RABGAP1L: variants seen among roughly 807,000 people sequenced by gnomAD.
RABGAP1L encodes RAB GTPase activating protein 1 like, also known as rab GTPase-activating protein 1-like.
A neutral mutation model predicts 137.7 loss-of-function variants in RABGAP1L; 63 were observed. The observed-to-expected ratio is 0.46, with a 90% CI of 0.37 to 0.56. The LOEUF (loss-of-function observed/expected upper bound fraction) is 0.56. RABGAP1L is among the 20% of genes least tolerant of loss of function. The pLI is 0.00. For synonymous variants in RABGAP1L, 431 were observed against 433.7 expected (o/e 0.99, Z 0.08); for missense variants, 1,095 against 1,244.0 (o/e 0.88, Z 1.80).
At chr1:174,981,670 A>G (rs542152220) in intron 23 of RABGAP1L, among the ~76,000 whole-genome samples, 1 of 143,748 alleles carries the variant, frequency 7.0e-6, no homozygotes, top group African/African-American at 2.6e-5. Flanking sequence ...GGCTCAAGCG[A>G]TCCTCCCACC....
intron 19 of RABGAP1L, among the ~76,000 whole-genome samples, chr1:174,865,715 G>C (rs1651092929): frequency 6.6e-6 from 1 of 152,142 alleles, no homozygotes; most frequent in African/African-American, 2.4e-5. Context: ...TGAGAAGATT[G>C]CTTAGCCCAG....
chr1:174,342,376 T>A (rs1219760547), intron 11 of RABGAP1L, among the ~76,000 whole-genome samples: 10 of 152,196 alleles, frequency 6.6e-5, no homozygotes, highest in Non-Finnish European at 1.0e-4. Context: ...GTATTGTTGA[T>A]GGTTGTCAGT....
At chr1:174,375,277 A>G (rs1454025436) in intron 12 of RABGAP1L, among the ~76,000 whole-genome samples, 1 of 151,986 alleles carries the variant, frequency 6.6e-6, no homozygotes, top group Non-Finnish European at 1.5e-5. Context: ...TTATACTAGA[A>G]AACAAGTCTG....
At chr1:174,892,851 T>A (rs1490531203) in intron 19 of RABGAP1L, 1 of 231,220 alleles carries the variant, frequency 4.3e-6, no homozygotes, top group Non-Finnish European at 8.5e-6. Flanking sequence ...TGCCTCAACC[T>A]CTCGAGTAGC....
rs188400782 is a variant in RABGAP1L at position 174,615,563 on chromosome 1, C to T, written c.1711-21812C>T. On this transcript the variant is annotated intron_variant, in intron 13 of 25. Transcript: ENST00000681986. The stretch of plus-strand genomic sequence containing the variant: ...ATTGAGGAGGCATTCTGTCCATTCT[C>T]AGATCTCCAGCTGTGTGCTGAGAGA... Among the ~76,000 whole-genome samples the T allele has an allele frequency of 5.3e-5, 8 of 152,342 alleles. No homozygotes were observed. The East Asian group carries it at 1.5e-3, about 29-fold the overall frequency.
intron 13 of RABGAP1L, among the ~76,000 whole-genome samples, chr1:174,454,872 A>G (rs1259947983): frequency 6.6e-6 from 1 of 152,158 alleles, no homozygotes; most frequent in Non-Finnish European, 1.5e-5. Flanking sequence ...TTTTAAATGC[A>G]TCATTCATGG....
chr1:174,184,039 G>GT (rs562802626), intron 1 of RABGAP1L, among the ~76,000 whole-genome samples: 44,130 of 149,970 alleles, frequency 0.29, 6,827 homozygotes, highest in African/African-American at 0.37. Flanking sequence ...CTAATTTTTT[G>GT]TTTTTTTTTA....
At chr1:174,866,110 G>GGAGA (rs34712612) in intron 19 of RABGAP1L, among the ~76,000 whole-genome samples, 1,833 of 65,786 alleles carry the variant, frequency 0.028, 133 homozygotes, top group East Asian at 0.093. Context: ...GGAGGGAGGG[G>GGAGA]GAGAGAGAGA....
At chr1:174,386,710 T>C (rs1379043451) in intron 12 of RABGAP1L, among the ~76,000 whole-genome samples, 1 of 152,050 alleles carries the variant, frequency 6.6e-6, no homozygotes, top group African/African-American at 2.4e-5. Context: ...AGTTTCACCA[T>C]GTTGGCCGGG....
Position 174,448,312 on chromosome 1 carries a change from T to C in RABGAP1L, c.1710+54167T>C. Reference sequence around the variant, plus strand: ...TAACAGTTATCTTTGTCTTTCATTGTGCTCCACTGTTACATCATTATACTA... The same window carrying C: ...TAACAGTTATCTTTGTCTTTCATTGCGCTCCACTGTTACATCATTATACTA... On this transcript the variant is annotated intron_variant, in intron 13 of 25. Transcript: ENST00000681986. The surrounding 1 kb of genome is among the most constrained non-coding windows in gnomAD (Gnocchi z 4.2). 4.3e-6 allele frequency: 7 copies of C among 1,613,140 alleles called. No individual in the cohort carries two copies. Among genetic ancestry groups the C allele is most frequent in the Non-Finnish European group, 5.9e-6 (7 of 1,179,046 alleles).
At chr1:174,453,992 C>T (rs902126743) in intron 13 of RABGAP1L, among the ~76,000 whole-genome samples, 14 of 152,044 alleles carry the variant, frequency 9.2e-5, no homozygotes, top group Admixed American at 2.6e-4. Flanking sequence ...AGGCTGGGCG[C>T]GGTGGCTCAC....
Position 174,741,249 on chromosome 1 carries a change from A to G in RABGAP1L, c.2170-11064A>G, listed in dbSNP as rs912403177. Among the ~76,000 whole-genome samples the G allele has an allele frequency of 3.9e-5, 6 of 152,100 alleles. No individual in the cohort carries two copies. The South Asian group carries it at 6.2e-4, about 16-fold the overall frequency. On this transcript the variant is annotated intron_variant, in intron 17 of 25. Transcript: ENST00000681986. ...TAAGTCTTTAATCTACTTTGAGTTC[A>G]TTTTTGTATATGGTGAGATAATGGT...
intron 18 of RABGAP1L, among the ~76,000 whole-genome samples, chr1:174,775,702 A>G (rs1558066422): frequency 6.6e-6 from 1 of 152,102 alleles, no homozygotes; most frequent in Admixed American, 6.6e-5. Context: ...ATTCTCACAC[A>G]TAGACACTCC....
At chr1:174,546,376 G>A (rs1164535864) in intron 13 of RABGAP1L, among the ~76,000 whole-genome samples, 7 of 152,152 alleles carry the variant, frequency 4.6e-5, no homozygotes, top group African/African-American at 1.7e-4. Flanking sequence ...TAAATATATT[G>A]AGATAGTGAC....
intron 19 of RABGAP1L, among the ~76,000 whole-genome samples, chr1:174,899,725 A>G (rs1436468335): frequency 6.6e-6 from 1 of 151,942 alleles, no homozygotes; most frequent in African/African-American, 2.4e-5. Context: ...CATTCTAATG[A>G]CTCCTATGTC....
intron 19 of RABGAP1L, among the ~76,000 whole-genome samples, chr1:174,910,787 C>A (rs78330712): frequency 0.021 from 3,180 of 152,170 alleles, 49 homozygotes; most frequent in Middle Eastern, 0.078. Flanking sequence ...CTGTTTGAGT[C>A]CCTGTTTTCA....
chr1:174,555,395 T>A (rs74126832), intron 13 of RABGAP1L, among the ~76,000 whole-genome samples: 5,287 of 152,302 alleles, frequency 0.035, 120 homozygotes, highest in Middle Eastern at 0.089. Context: ...TTGCAATCAT[T>A]TATTTCCCTT....
rs370985007 is a variant in RABGAP1L at position 174,227,345 on chromosome 1, T to C, written c.332-3800T>C. Among the ~76,000 whole-genome samples, 18 of 151,668 alleles carry C rather than the reference T, an allele frequency of 1.2e-4. No homozygotes were observed. The East Asian group carries it at 3.5e-3, about 29-fold the overall frequency. On this transcript the variant is annotated intron_variant, in intron 3 of 25. Coordinates refer to ENST00000681986, the MANE Select transcript of RABGAP1L (RefSeq NM_001366446.1). The stretch of plus-strand genomic sequence containing the variant: ...CCTCCTGAGTAGCTGGGACTACAGG[T>C]GCATGCCACCATGCCCAGCTAATTT...
chr1:174,425,650 C>T (rs1394666114), intron 13 of RABGAP1L, among the ~76,000 whole-genome samples: 1 of 152,018 alleles, frequency 6.6e-6, no homozygotes, highest in Non-Finnish European at 1.5e-5. Flanking sequence ...ACACCTTAGT[C>T]TCACTGTCTT....
Sources: gnomAD v4.1 joint callset for allele counts (sites outside exome capture counted in the v4.1 genomes callset) on GRCh38, gnomAD v4.1.1 for gene constraint, Gnocchi (gnomAD v3.1) non-coding constraint, MANE v1.5 for transcripts, NCBI Gene and HGNC (gene_info 2026-07-23, HGNC 2026-07-21) for gene names.